SFMBT2: variants seen among roughly 807,000 people sequenced by gnomAD.
SFMBT2 encodes the protein Scm like with four mbt domains 2, also known as scm-like with four MBT domains protein 2.
Under a neutral mutation model 110.1 loss-of-function variants are expected in SFMBT2, and 38 were observed. The observed-to-expected ratio is 0.35, with a 90% CI of 0.27 to 0.45. The LOEUF (loss-of-function observed/expected upper bound fraction) is 0.45, where lower values mean the gene tolerates loss of function less well. Ranked by LOEUF, SFMBT2 falls within the 20% of genes least tolerant of loss-of-function variation. The pLI, the probability that SFMBT2 is intolerant of heterozygous loss-of-function variation, is 1.00. For synonymous variants in SFMBT2, 425 were observed against 425.4 expected (o/e 1.00, Z 0.01); for missense variants, 1,011 against 1,094.9 (o/e 0.92, Z 1.08).
chr10:7,322,349 T>C (rs1843218713), intron 4 of SFMBT2, among the ~76,000 whole-genome samples: 1 of 152,184 alleles, frequency 6.6e-6, no homozygotes, highest in South Asian at 2.1e-4. Flanking sequence ...CTTATTTATT[T>C]ATAAATTACC....
At chr10:7,241,202 G>T in intron 9 of SFMBT2, 1 of 384,234 alleles carries the variant, frequency 2.6e-6, no homozygotes, top group Non-Finnish European at 3.6e-6. Flanking sequence ...GGTTAACCCA[G>T]CCGTGTGGAA....
chr10:7,210,351 G>A (rs917229783), intron 11 of SFMBT2, among the ~76,000 whole-genome samples: 6 of 152,136 alleles, frequency 3.9e-5, no homozygotes, highest in Admixed American at 2.0e-4. Context: ...CACTCAGAGC[G>A]AATCACAGGA....
intron 4 of SFMBT2, among the ~76,000 whole-genome samples, chr10:7,286,742 T>A (rs961795018): frequency 1.3e-5 from 2 of 152,154 alleles, no homozygotes; most frequent in African/African-American, 4.8e-5. Context: ...AATTTTGGTA[T>A]CCTTGGGGGT....
intron 13 of SFMBT2, among the ~76,000 whole-genome samples, chr10:7,201,161 C>T (rs1459016205): frequency 2.0e-5 from 3 of 152,214 alleles, no homozygotes; most frequent in African/African-American, 7.2e-5. Context: ...AGCTCAAAGT[C>T]AACCCTTACA....
chr10:7,220,840 T>C (rs138738545), intron 10 of SFMBT2, among the ~76,000 whole-genome samples: 3,353 of 148,512 alleles, frequency 0.023, 124 homozygotes, highest in African/African-American at 0.079. Flanking sequence ...TTTTTTTTTG[T>C]TTTTGAGACA....
intron 4 of SFMBT2, among the ~76,000 whole-genome samples, chr10:7,300,084 C>T (rs918392680): frequency 1.7e-4 from 26 of 152,130 alleles, no homozygotes; most frequent in African/African-American, 5.8e-4. Context: ...CCAAACATCA[C>T]ATGTTCTCAC....
Position 7,265,565 on chromosome 10 carries a change from A to G in SFMBT2, c.870+11327T>C, listed in dbSNP as rs1360235560. ...AATTGGGAGGCCAAATACTCTTCTC[A>G]GTGCTCTCAACTCTTTCCTCTTCTT... On this transcript the variant is annotated intron_variant, in intron 7 of 20. Coordinates refer to ENST00000397167, the MANE Select transcript of SFMBT2 (RefSeq NM_001387889.1). Among the ~76,000 whole-genome samples the G allele has an allele frequency of 5.3e-5, 8 of 152,298 alleles. No homozygotes were observed. In the East Asian group the frequency reaches 1.5e-3, roughly 29 times the overall value.
At chr10:7,373,487 C>T (rs1029332556) in intron 2 of SFMBT2, among the ~76,000 whole-genome samples, 6 of 152,152 alleles carry the variant, frequency 3.9e-5, no homozygotes, top group African/African-American at 1.4e-4. Flanking sequence ...GATGTATACT[C>T]ACAGGGGCAA....
chr10:7,388,524 A>ATTT (rs60231769), intron 1 of SFMBT2, among the ~76,000 whole-genome samples: 93 of 112,094 alleles, frequency 8.3e-4, no homozygotes, highest in Non-Finnish European at 1.4e-3. Context: ...TACCCAGCTA[A>ATTT]TTTTTTTTTT....
rs1845434846 is a variant in SFMBT2, at chr10:7,381,913, T to C, written c.-15A>G. On this transcript the variant is annotated 5_prime_UTR_variant, in exon 2 of 21. Coordinates refer to ENST00000397167, the MANE Select transcript of SFMBT2 (RefSeq NM_001387889.1). Reference sequence around the variant, plus strand: ...GTGCTCTCCATGCCTGATGAGCAAGTGTCTCTTCTCTTAATTCATCCTGCA... The same window carrying C: ...GTGCTCTCCATGCCTGATGAGCAAGCGTCTCTTCTCTTAATTCATCCTGCA... 2 of 1,569,752 alleles carry C rather than the reference T, an allele frequency of 1.3e-6. No homozygotes were observed. The highest frequency in any genetic ancestry group is 1.7e-6 in the Non-Finnish European group (2 of 1,154,076).
intron 20 of SFMBT2, among the ~76,000 whole-genome samples, chr10:7,166,449 T>C (rs1287894460): frequency 6.6e-6 from 1 of 152,248 alleles, no homozygotes; most frequent in East Asian, 1.9e-4. Context: ...GGCCAATGCA[T>C]GTACCACATT....
chr10:7,315,099 AGAAAGAAAGAAAAAGC>A lies in SFMBT2; in HGVS notation c.437-29161_437-29146del, dbSNP rs1296149760. 5.3e-4 allele frequency among the ~76,000 whole-genome samples: 77 copies of A among 146,372 alleles called. 1 individual carries two copies. The highest frequency in any genetic ancestry group is 9.7e-4 in the Non-Finnish European group (63 of 64,854). The stretch of plus-strand genomic sequence containing the variant: ...AAGAAAGAAAGAAAGAAAGAAAGAA[AGAAAGAAAGAAAAAGC>A]AAGCAAGCAAGCCAGCCAATCCGGC... On this transcript the variant is annotated intron_variant, in intron 4 of 20. Transcript: ENST00000397167.
At chr10:7,304,123 G>A (rs1213912873) in intron 4 of SFMBT2, among the ~76,000 whole-genome samples, 2 of 152,338 alleles carry the variant, frequency 1.3e-5, no homozygotes, top group South Asian at 2.1e-4. Flanking sequence ...GTTTGGCTAT[G>A]TCCCCACCCA....
intron 1 of SFMBT2, among the ~76,000 whole-genome samples, chr10:7,384,236 A>C (rs1408556207): frequency 6.6e-6 from 1 of 150,398 alleles, no homozygotes; most frequent in Non-Finnish European, 1.5e-5. Flanking sequence ...AAAAAAAAAA[A>C]AACAACCACA....
chr10:7,322,351 T>C (rs900764275), intron 4 of SFMBT2, among the ~76,000 whole-genome samples: 1 of 152,182 alleles, frequency 6.6e-6, no homozygotes, highest in Non-Finnish European at 1.5e-5. Flanking sequence ...TATTTATTTA[T>C]AAATTACCCC....
rs1419873439 is a variant in SFMBT2 at position 7,197,532 on chromosome 10, T to C, written c.1698+16A>G. ...TCCTGTTAAAATAAGCCAAGGTGAT[T>C]GTGCACGGGCTTTACCTCTTTAAGA... On this transcript the variant is annotated intron_variant, in intron 15 of 20. Coordinates refer to ENST00000397167, the MANE Select transcript of SFMBT2 (RefSeq NM_001387889.1). 2.1e-5 allele frequency: 34 copies of C among 1,608,594 alleles called. No individual in the cohort carries two copies. Among genetic ancestry groups the C allele is most frequent in the Non-Finnish European group, 2.8e-5 (33 of 1,176,974 alleles).
In SFMBT2 at chr10:7,370,246, C is replaced by A. The variant is rs756981649; in HGVS notation, c.195+35G>T. 3 of 1,576,294 alleles carry A rather than the reference C, an allele frequency of 1.9e-6. No homozygotes were observed. The African/African-American group carries it at 4.0e-5, about 21-fold the overall frequency. ...TATAGATTCCTTCCCTTCCCACTTT[C>A]TAGACACAGAGAAGACACAAGCTGC... On this transcript the variant is annotated intron_variant, in intron 3 of 20. Coordinates refer to ENST00000397167, the MANE Select transcript of SFMBT2 (RefSeq NM_001387889.1).
intron 4 of SFMBT2, among the ~76,000 whole-genome samples, chr10:7,290,520 C>A (rs1242108743): frequency 6.6e-6 from 1 of 152,054 alleles, no homozygotes. Context: ...GACCCAAATC[C>A]CACAAATGCT....
intron 2 of SFMBT2, among the ~76,000 whole-genome samples, chr10:7,372,020 A>AG (rs1287761221): frequency 8.1e-6 from 1 of 122,876 alleles, no homozygotes; most frequent in African/African-American, 3.2e-5. Context: ...TCCACCCCCC[A>AG]GGTTCAAGTG....
Sources: allele counts gnomAD v4.1 joint callset (sites outside exome capture counted in the v4.1 genomes callset), GRCh38; gene constraint gnomAD v4.1.1; transcripts MANE v1.5; gene names NCBI Gene and HGNC (gene_info 2026-07-23, HGNC 2026-07-21).